Variants in BORCS5 observed in about 807,000 individuals in gnomAD.
BORCS5 encodes the protein BLOC-1-related complex subunit 5.
A neutral mutation model predicts 22.1 loss-of-function variants in BORCS5; 17 were observed. That is an observed-to-expected ratio of 0.77 (90% CI 0.53 to 1.15). The LOEUF (loss-of-function observed/expected upper bound fraction) is 1.15, where lower values mean the gene tolerates loss of function less well. BORCS5 is among the 50% of genes most tolerant of loss of function. The probability of loss-of-function intolerance (pLI) is 0.00; values close to 1 mark genes in which losing one functional copy is unlikely to be tolerated. For missense variants in BORCS5, 247 were observed against 253.2 expected, an observed-to-expected ratio of 0.98 and a Z score of 0.17; for synonymous variants, 117 against 99.8, an observed-to-expected ratio of 1.17 and a Z score of -1.03.
At position 12,357,125 on chromosome 12, in the gene BORCS5, G is replaced by C; in HGVS notation, c.-327G>C. ...GCTTGCGGAGCGTGAACCAGTGAGT[G>C]AAAGCGGCGCCGCCCGCCGGCCGCA... is the stretch of plus-strand genomic sequence containing the variant. On this transcript the variant is annotated 5_prime_UTR_variant, in exon 1 of 4. Transcript: ENST00000314565. 6.5e-7 allele frequency: 1 copy of C among 1,534,254 alleles called. No homozygotes were observed. The highest frequency in any genetic ancestry group is 1.2e-5 in the South Asian group (1 of 83,978).
intron 2 of BORCS5, among the ~76,000 whole-genome samples, chr12:12,434,621 A>G (rs1267337087): frequency 6.6e-6 from 1 of 152,238 alleles, no homozygotes; most frequent in Non-Finnish European, 1.5e-5. Flanking sequence ...GCAGACATTA[A>G]AAAGACATTA....
intron 2 of BORCS5, among the ~76,000 whole-genome samples, chr12:12,422,426 C>G (rs999090895): frequency 1.3e-5 from 2 of 151,988 alleles, no homozygotes; most frequent in African/African-American, 4.8e-5. Context: ...CCAGCCTGAC[C>G]AACATGGTGA....
At chr12:12,441,858 G>T (rs1942690060) in intron 3 of BORCS5, among the ~76,000 whole-genome samples, 1 of 152,106 alleles carries the variant, frequency 6.6e-6, no homozygotes, top group Non-Finnish European at 1.5e-5. Context: ...CTCGTGCCTG[G>T]GGAACATGGG....
intron 2 of BORCS5, among the ~76,000 whole-genome samples, chr12:12,378,238 GGCGTGC>G (rs574228952): frequency 3.0e-4 from 46 of 152,258 alleles, no homozygotes; most frequent in African/African-American, 1.0e-3. Flanking sequence ...TAGGCATGGT[GGCGTGC>G]GCCTGTAATC....
chr12:12,389,135 C>T (rs1313180834), intron 2 of BORCS5, among the ~76,000 whole-genome samples: 5 of 117,868 alleles, frequency 4.2e-5, no homozygotes, highest in African/African-American at 6.5e-5. Context: ...CAAGTAAGTA[C>T]TTTTTTTTTT....
intron 2 of BORCS5, among the ~76,000 whole-genome samples, chr12:12,415,501 T>C (rs1388822239): frequency 7.8e-6 from 1 of 128,240 alleles, no homozygotes; most frequent in Non-Finnish European, 1.6e-5. Flanking sequence ...ATGGCAGCAG[T>C]ACTGTCCAGC....
intron 2 of BORCS5, among the ~76,000 whole-genome samples, chr12:12,424,721 T>C (rs902522523): frequency 3.3e-5 from 5 of 152,194 alleles, no homozygotes; most frequent in Non-Finnish European, 5.9e-5. Context: ...GTATTTTGAT[T>C]GTTACAGGAT....
intron 2 of BORCS5, among the ~76,000 whole-genome samples, chr12:12,384,545 A>G (rs969180601): frequency 4.0e-5 from 6 of 150,192 alleles, no homozygotes; most frequent in African/African-American, 1.5e-4. Context: ...GGCATTTTAG[A>G]TAATATAGCA....
At chr12:12,412,909 T>TC (rs1941777468) in intron 2 of BORCS5, among the ~76,000 whole-genome samples, 1 of 132,968 alleles carries the variant, frequency 7.5e-6, no homozygotes, top group Non-Finnish European at 1.5e-5. Flanking sequence ...TCTTTTTTTT[T>TC]TTTTTTTTTT....
At chr12:12,418,665 T>TAAC (rs1942035751) in intron 2 of BORCS5, among the ~76,000 whole-genome samples, 2 of 152,178 alleles carry the variant, frequency 1.3e-5, no homozygotes, top group Admixed American at 1.3e-4. Flanking sequence ...ACAGCCTGGG[T>TAAC]AACAGCGTGA....
chr12:12,395,195 T>C (rs908625434), intron 2 of BORCS5, among the ~76,000 whole-genome samples: 16 of 151,722 alleles, frequency 1.1e-4, no homozygotes, highest in African/African-American at 4.9e-5. Context: ...GGAGATGGGG[T>C]GGTGGCAGAG....
intron 2 of BORCS5, among the ~76,000 whole-genome samples, chr12:12,407,702 C>CTTTTTTTTTTTTTTTTTTTTTTTTTTT (rs201404558): frequency 7.1e-6 from 1 of 141,768 alleles, no homozygotes. Context: ...TTTTACTATT[C>CTTTTTTTTTTTTTTTTTTTTTTTTTTT]TTTTTGTTTT....
intron 3 of BORCS5, among the ~76,000 whole-genome samples, chr12:12,436,328 T>G (rs1942554040): frequency 6.6e-6 from 1 of 152,244 alleles, no homozygotes; most frequent in South Asian, 2.1e-4. Flanking sequence ...AGCAATGTAA[T>G]TCATGTGAAA....
At chr12:12,418,463 A>T (rs1276426729) in intron 2 of BORCS5, among the ~76,000 whole-genome samples, 1 of 152,120 alleles carries the variant, frequency 6.6e-6, no homozygotes, top group African/African-American at 2.4e-5. Flanking sequence ...AGACAGGAGG[A>T]TCACTTGAGG....
intron 2 of BORCS5, among the ~76,000 whole-genome samples, chr12:12,377,379 A>G (rs886728731): frequency 3.3e-5 from 5 of 151,910 alleles, no homozygotes; most frequent in African/African-American, 1.2e-4. Flanking sequence ...GGTTTTCACC[A>G]TGTTGGCCAG....
At chr12:12,413,013 G>A (rs1194412751) in intron 2 of BORCS5, among the ~76,000 whole-genome samples, 2 of 139,408 alleles carry the variant, frequency 1.4e-5, no homozygotes, top group African/African-American at 2.7e-5. Flanking sequence ...ATAAACAAGT[G>A]AACAAAGGTC....
intron 2 of BORCS5, among the ~76,000 whole-genome samples, chr12:12,420,299 G>A (rs1198087675): frequency 6.6e-5 from 10 of 152,122 alleles, no homozygotes; most frequent in Admixed American, 6.5e-4. Flanking sequence ...TTATTAAATA[G>A]GGAATCCTTT....
At chr12:12,376,541 A>T (rs1331860181) in intron 2 of BORCS5, among the ~76,000 whole-genome samples, 1 of 152,090 alleles carries the variant, frequency 6.6e-6, no homozygotes, top group Non-Finnish European at 1.5e-5. Context: ...CCTGCTCTTC[A>T]ATCTTTTTTA....
chr12:12,388,253 A>G (rs1202978917), intron 2 of BORCS5, among the ~76,000 whole-genome samples: 11 of 151,110 alleles, frequency 7.3e-5, no homozygotes, highest in Admixed American at 6.6e-5. Flanking sequence ...TTTTCCTGAG[A>G]CTTTAAACCA....
Sources: gnomAD v4.1 joint callset for allele counts (sites outside exome capture counted in the v4.1 genomes callset) on GRCh38, gnomAD v4.1.1 for gene constraint, MANE v1.5 for transcripts, NCBI Gene and HGNC (gene_info 2026-07-23, HGNC 2026-07-21) for gene names.